The following ACAD9 variants were observed in gnomAD, a reference collection of about 807,000 sequenced individuals.
ACAD9 encodes the protein complex I assembly factor ACAD9, mitochondrial.
In ACAD9, 53 loss-of-function variants were observed where a neutral mutation model predicts 70.2. That is an observed-to-expected ratio of 0.75 (90% confidence interval 0.61 to 0.95). The LOEUF (loss-of-function observed/expected upper bound fraction) is 0.95, where lower values mean the gene tolerates loss of function less well. ACAD9 is among the 40% of genes least tolerant of loss of function. The pLI, the probability that ACAD9 is intolerant of heterozygous loss-of-function variation, is 0.00. For synonymous variants in ACAD9, 313 were observed against 312.1 expected, an observed-to-expected ratio of 1.00 and a Z score of -0.03; for missense variants, 777 against 802.8, an observed-to-expected ratio of 0.97 and a Z score of 0.39.
At chr3:128,892,523 T>A (rs1210569868) in intron 2 of ACAD9, among the ~76,000 whole-genome samples, 1 of 152,186 alleles carries the variant, frequency 6.6e-6, no homozygotes. Flanking sequence ...TCAGTTTTGC[T>A]GTAGTGAATG....
At chr3:128,881,105 C>T (rs1236426250) in intron 1 of ACAD9, among the ~76,000 whole-genome samples, 2 of 152,210 alleles carry the variant, frequency 1.3e-5, no homozygotes, top group African/African-American at 4.8e-5. Flanking sequence ...TAGCAAGCAA[C>T]TTTACAGATG....
intron 12 of ACAD9, 103 bp downstream of exon 12, chr3:128,906,352 G>C: frequency 1.3e-6 from 2 of 1,555,628 alleles, no homozygotes; most frequent in Non-Finnish European, 1.7e-6. Context: ...CCCAGGGCTG[G>C]GTCGCATGCT....
At chr3:128,896,759 T>G (rs1373226239) in intron 5 of ACAD9, among the ~76,000 whole-genome samples, 1 of 152,254 alleles carries the variant, frequency 6.6e-6, no homozygotes, top group Non-Finnish European at 1.5e-5. Flanking sequence ...CAGCACTTAT[T>G]AAATAAATTT....
chr3:128,896,704 A>G (rs926141022), intron 5 of ACAD9, among the ~76,000 whole-genome samples, 168 bp downstream of exon 5: 1 of 152,050 alleles, frequency 6.6e-6, no homozygotes, highest in African/African-American at 2.4e-5. Context: ...TCTTGACCTT[A>G]TTTCTCTGTC....
chr3:128,896,490 G>A lies in ACAD9; in HGVS notation c.508G>A (p.Ala170Thr). Reference protein sequence around the residue: ...EQKAKYLPKLASGEHIAAFCL... With the variant: ...EQKAKYLPKLTSGEHIAAFCL... ...GAAAGCCAAATACTTGCCTAAACTG[G>A]CGTCCGGGGAGCACATTGCAGCCTT... Residue 170 changes from alanine (A) to threonine (T), a missense_variant, in exon 5 of 18, where the codon GCG (alanine) becomes ACG (threonine). Ala to Thr is a moderately conservative substitution (Grantham distance 58). Coordinates refer to ENST00000308982, the MANE Select transcript of ACAD9 (RefSeq NM_014049.5). 1 of 1,614,214 alleles carries A rather than the reference G, an allele frequency of 6.2e-7. No individual in the cohort carries two copies. Among genetic ancestry groups the A allele is most frequent in the Non-Finnish European group, 8.5e-7 (1 of 1,180,042 alleles).
chr3:128,911,845 T>C lies in ACAD9; in HGVS notation c.1766-662T>C, dbSNP rs1038634096. Among the ~76,000 whole-genome samples the C allele has an allele frequency of 4.6e-5, 7 of 152,232 alleles. No individual in the cohort carries two copies. In the South Asian group the frequency reaches 6.2e-4, roughly 14 times the overall value. ...ATTTTACCTGCCCCTTTACCCACTG[T>C]ACTCCATCCAAAATGACCCTGCAGT... On this transcript the variant is annotated intron_variant, in intron 17 of 17. Coordinates refer to ENST00000308982, the MANE Select transcript of ACAD9 (RefSeq NM_014049.5).
Position 128,912,952 on chromosome 3 carries a change from T to G in ACAD9, c.*345T>G. ...AGGGTGTGAGGTGGGTGGGGACCTG[T>G]GTCAGGTGTGGATAGCCATTTCTGC... On this transcript the variant is annotated 3_prime_UTR_variant, in exon 18 of 18. Transcript: ENST00000308982. 2.0e-6 allele frequency: 1 copy of G among 499,638 alleles called. No homozygotes were observed. The highest frequency in any genetic ancestry group is 3.9e-6 in the Non-Finnish European group (1 of 255,238). The allele number at this position is 499,638 out of a possible 1,614,324, so 31.0% of individuals were successfully genotyped here. A position where few individuals can be genotyped will look rare whatever the true frequency, so the allele number is the denominator to read the frequency against.
chr3:128,892,799 G>A (rs1336250183), intron 2 of ACAD9, among the ~76,000 whole-genome samples: 1 of 152,194 alleles, frequency 6.6e-6, no homozygotes, highest in East Asian at 1.9e-4. Flanking sequence ...CTGCCATGAG[G>A]TGGCTATCTA....
chr3:128,899,523 G>A lies in ACAD9; in HGVS notation c.808+62G>A, dbSNP rs2340466. 3.2e-5 allele frequency: 34 copies of A among 1,068,844 alleles called. No homozygotes were observed. The East Asian group carries it at 7.0e-4, about 22-fold the overall frequency. The allele number at this position is 1,068,844 out of a possible 1,614,324, so 66.2% of individuals were successfully genotyped here. On this transcript the variant is annotated intron_variant, in intron 7 of 17. Coordinates refer to ENST00000308982, the MANE Select transcript of ACAD9 (RefSeq NM_014049.5). ...TGTAAGGGGGAGACTGGCCTTTGAC[G>A]GTGTGTGTGTGTGTGTGTGTGTGTG...
chr3:128,896,817 G>A (rs1576338780), intron 5 of ACAD9, among the ~76,000 whole-genome samples: 1 of 152,118 alleles, frequency 6.6e-6, no homozygotes, highest in South Asian at 2.1e-4. Context: ...ATAACGTTCC[G>A]GCTTCAAAGC....
chr3:128,909,555 TGGTGA>T, intron 15 of ACAD9, 134 bp downstream of exon 15: 2 of 987,450 alleles, frequency 2.0e-6, no homozygotes, highest in Non-Finnish European at 3.1e-6. Context: ...AGGGATGGGG[TGGTGA>T]GGTCAGGCTG....
In ACAD9 at chr3:128,906,237, C is replaced by G. The variant is rs748384096; in HGVS notation, c.1266C>G (p.Leu422=). 2 of 1,614,152 alleles carry G rather than the reference C, an allele frequency of 1.2e-6. No individual in the cohort carries two copies. The highest frequency in any genetic ancestry group is 3.3e-5 in the Admixed American group (2 of 60,034). ...GCATACTGCGTGACACCCGCATCCT[C>G]CTCATCTTCGAGGTGAGTGGCCCCG... ...YERILRDTRI[L]LIFEGTNEIL... Residue 422 remains leucine (L), a synonymous_variant, in exon 12 of 18, where the codon CTC becomes CTG. Coordinates refer to ENST00000308982, the MANE Select transcript of ACAD9 (RefSeq NM_014049.5).
At chr3:128,885,029 T>G (rs1027520059) in intron 2 of ACAD9, among the ~76,000 whole-genome samples, 1 of 152,346 alleles carries the variant, frequency 6.6e-6, no homozygotes, top group South Asian at 2.1e-4. Flanking sequence ...CTAAAAAAAT[T>G]AGATGGCAAA....
intron 1 of ACAD9, among the ~76,000 whole-genome samples, chr3:128,883,848 G>A (rs1339110185): frequency 3.3e-5 from 5 of 152,168 alleles, no homozygotes; most frequent in Non-Finnish European, 2.9e-5. Context: ...AGCTGTACAA[G>A]GTCTGAGGAG....
At chr3:128,897,322 C>T (rs940405908) in intron 5 of ACAD9, among the ~76,000 whole-genome samples, 8 of 152,136 alleles carry the variant, frequency 5.3e-5, no homozygotes, top group Non-Finnish European at 8.8e-5. Context: ...GCTGGGACTA[C>T]AGGCATGCCC....
intron 11 of ACAD9, 152 bp from the exon 12 acceptor site, chr3:128,905,969 C>T (rs771928016): frequency 5.9e-6 from 6 of 1,015,468 alleles, no homozygotes; most frequent in South Asian, 1.4e-5. Context: ...AGTGTGGTCA[C>T]GGAAGGCAAA....
intron 1 of ACAD9, among the ~76,000 whole-genome samples, chr3:128,880,551 T>C (rs1935060469): frequency 6.7e-6 from 1 of 150,080 alleles, no homozygotes; most frequent in South Asian, 2.1e-4. Flanking sequence ...TGCCCGGCTT[T>C]TTTTTTTTTT....
intron 11 of ACAD9, 129 bp downstream of exon 11, chr3:128,904,634 C>T (rs1370362574): frequency 4.8e-6 from 7 of 1,459,866 alleles, no homozygotes; most frequent in African/African-American, 1.4e-5. Context: ...TTATGATGCA[C>T]TTGCCCTGTG....
intron 3 of ACAD9, 112 bp from the exon 4 acceptor site, chr3:128,895,198 A>G (rs934615292): frequency 3.7e-6 from 3 of 819,218 alleles, no homozygotes; most frequent in Non-Finnish European, 6.0e-6. Context: ...TTTTTTTTTT[A>G]ATATGGTGAT....
Sources: allele counts gnomAD v4.1 joint callset (sites outside exome capture counted in the v4.1 genomes callset), GRCh38; gene constraint gnomAD v4.1.1; transcripts MANE v1.5; gene names NCBI Gene and HGNC (gene_info 2026-07-23, HGNC 2026-07-21).